The following PRRX2 variants were observed in gnomAD, a reference collection of about 807,000 sequenced individuals.
PRRX2 encodes the protein paired related homeobox 2.
A neutral mutation model predicts 18.0 loss-of-function variants in PRRX2; 11 were observed. The ratio of observed to expected loss-of-function variants is 0.61; its 90% CI spans 0.39 to 1.01. The LOEUF (loss-of-function observed/expected upper bound fraction) is 1.01. PRRX2 is among the 50% of genes least tolerant of loss of function. The probability of loss-of-function intolerance (pLI) is 0.01; values close to 1 mark genes in which losing one functional copy is unlikely to be tolerated. For missense variants in PRRX2, 387 were observed against 351.0 expected, an observed-to-expected ratio of 1.10 and a Z score of -0.82; for synonymous variants, 177 against 154.8, an observed-to-expected ratio of 1.14 and a Z score of -1.06.
intron 1 of PRRX2, among the ~76,000 whole-genome samples, chr9:129,697,363 C>T (rs781131961): frequency 2.6e-5 from 4 of 151,912 alleles, no homozygotes; most frequent in East Asian, 3.9e-4. Context: ...CCGGCCGGGG[C>T]GCGCACCCTC....
In PRRX2 at chr9:129,672,694, G is replaced by A. The variant is rs557535991; in HGVS notation, c.259+6568G>A. 9.8e-5 allele frequency among the ~76,000 whole-genome samples: 15 copies of A among 152,304 alleles called. No homozygotes were observed. In the East Asian group the frequency reaches 2.5e-3, roughly 25 times the overall value. ...CAGGCCTGGAGAGTGGGGACTGCCC[G>A]GGGCTGGGGTGTTTGACATGGGAGT... is the stretch of plus-strand genomic sequence containing the variant. On this transcript the variant is annotated intron_variant, in intron 1 of 3. Transcript: ENST00000372469.
intron 1 of PRRX2, among the ~76,000 whole-genome samples, chr9:129,692,657 A>G (rs1832375736): frequency 6.6e-6 from 1 of 152,240 alleles, no homozygotes; most frequent in African/African-American, 2.4e-5. Flanking sequence ...TACAGTATGT[A>G]GCCTCTTGAG....
At position 129,675,921 on chromosome 9, in the gene PRRX2, T is replaced by C. The variant is rs943076504; in HGVS notation, c.259+9795T>C. Among the ~76,000 whole-genome samples, 1 of 152,080 alleles carries C rather than the reference T, an allele frequency of 6.6e-6. No homozygotes were observed. The highest frequency in any genetic ancestry group is 2.4e-5 in the African/African-American group (1 of 41,402). ...CACCTCCTTTCATTAGACTAACAAA[T>C]AACGCGTAACAGAAAACAGCTGTTA... On this transcript the variant is annotated intron_variant, in intron 1 of 3. Transcript: ENST00000372469. This position sits in a 1 kb window ranked among gnomAD's most constrained non-coding sequence, Gnocchi z 4.4.
At chr9:129,667,400 A>AT (rs1832039153) in intron 1 of PRRX2, among the ~76,000 whole-genome samples, 1 of 152,210 alleles carries the variant, frequency 6.6e-6, no homozygotes, top group Non-Finnish European at 1.5e-5. Context: ...GCCCAAGGTC[A>AT]TTTGAGGACC....
chr9:129,678,016 T>G (rs1832183031), intron 1 of PRRX2, among the ~76,000 whole-genome samples: 1 of 143,116 alleles, frequency 7.0e-6, no homozygotes, highest in African/African-American at 2.7e-5. Context: ...CAGGCTGGAG[T>G]GCAGTGGCGC....
intron 1 of PRRX2, among the ~76,000 whole-genome samples, chr9:129,692,048 A>G (rs1017994967): frequency 6.6e-6 from 1 of 151,680 alleles, no homozygotes; most frequent in Non-Finnish European, 1.5e-5. Flanking sequence ...GGTTCAAGCG[A>G]TTCTCCCACC....
chr9:129,713,813 A>G (rs1423997184), intron 1 of PRRX2, among the ~76,000 whole-genome samples: 2 of 150,112 alleles, frequency 1.3e-5, no homozygotes, highest in Non-Finnish European at 3.0e-5. Context: ...TTATTTATTT[A>G]TTTATTTTTA....
At position 129,671,940 on chromosome 9, in the gene PRRX2, G is replaced by A. The variant is rs1006399715; in HGVS notation, c.259+5814G>A. On this transcript the variant is annotated intron_variant, in intron 1 of 3. Transcript: ENST00000372469. This position sits in a 1 kb window ranked among gnomAD's most constrained non-coding sequence, Gnocchi z 4.0. ...CTGAGGCTTGTTGGGGACTAAAGCG[G>A]GTGGGAGGGGAGGGGCAGCACGGAA... is the stretch of plus-strand genomic sequence containing the variant. 6.6e-6 allele frequency among the ~76,000 whole-genome samples: 1 copy of A among 152,114 alleles called. No homozygotes were observed. The highest frequency in any genetic ancestry group is 2.4e-5 in the African/African-American group (1 of 41,406).
chr9:129,666,272 C>A, intron 1 of PRRX2, 146 bp downstream of exon 1: 1 of 624,474 alleles, frequency 1.6e-6, no homozygotes, highest in Non-Finnish European at 2.0e-6. Context: ...GTGTAAGTGA[C>A]GGTGGACGGC....
intron 1 of PRRX2, among the ~76,000 whole-genome samples, chr9:129,716,093 C>T (rs1832703643): frequency 1.3e-5 from 2 of 152,188 alleles, no homozygotes; most frequent in South Asian, 2.1e-4. Flanking sequence ...GCCCCAAACC[C>T]GGCCGGTGGG....
Position 129,720,676 on chromosome 9 carries a change from G to C in PRRX2, c.528G>C (p.Lys176Asn). The C allele has an allele frequency of 1.2e-6, 2 of 1,613,518 alleles. No individual in the cohort carries two copies. The highest frequency in any genetic ancestry group is 1.7e-6 in the Non-Finnish European group (2 of 1,179,866). ...MLASRSASLLKSYSQEAAIEQ... is the reference protein window; with the variant it reads ...MLASRSASLLNSYSQEAAIEQ... ...CCAGCCGCTCTGCCTCGCTGCTCAA[G>C]TCCTACAGCCAGGAGGCCGCCATCG... The change falls in exon 3 of 4, where the codon AAG becomes AAC. Residue 176 changes from lysine (K) to asparagine (N), a missense_variant. Transcript: ENST00000372469.
intron 1 of PRRX2, among the ~76,000 whole-genome samples, chr9:129,714,836 TG>T (rs1344631268): frequency 6.6e-6 from 1 of 152,194 alleles, no homozygotes; most frequent in East Asian, 1.9e-4. Flanking sequence ...CCTCCTGTGT[TG>T]GGTGTGTGCC....
chr9:129,673,485 G>C (rs1301066825), intron 1 of PRRX2, among the ~76,000 whole-genome samples: 1 of 151,914 alleles, frequency 6.6e-6, no homozygotes, highest in African/African-American at 2.4e-5. Flanking sequence ...ACAAACAAAG[G>C]TTCCCAAAAT....
At chr9:129,673,353 A>G (rs1263286877) in intron 1 of PRRX2, among the ~76,000 whole-genome samples, 1 of 152,120 alleles carries the variant, frequency 6.6e-6, no homozygotes, top group East Asian at 1.9e-4. Context: ...GCTACTCGGG[A>G]TGCTGAGACA....
rs57839880 is a variant in PRRX2, at chr9:129,691,331, CAA to C, written c.259+25216_259+25217del. Among the ~76,000 whole-genome samples the C allele has an allele frequency of 8.3e-4, 118 of 142,386 alleles. 1 individual carries two copies. Among genetic ancestry groups the C allele is most frequent in the African/African-American group, 2.7e-3 (107 of 39,034 alleles). The allele number at this position is 142,386 out of a possible 152,430, so 93.4% of individuals were successfully genotyped here. A position where few individuals can be genotyped will look rare whatever the true frequency, so the allele number is the denominator to read the frequency against. ...AGCCTGCATGACAAAGCGACTCTGT[CAA>C]AAAAAAAAAATTATATAAACTTACA... On this transcript the variant is annotated intron_variant, in intron 1 of 3. Coordinates refer to ENST00000372469, the MANE Select transcript of PRRX2 (RefSeq NM_016307.4).
intron 1 of PRRX2, among the ~76,000 whole-genome samples, chr9:129,698,478 AAC>A (rs1832457142): frequency 6.6e-6 from 1 of 152,110 alleles, no homozygotes; most frequent in South Asian, 2.1e-4. Context: ...TGTTTGGTGA[AAC>A]ACACGTGGCA....
intron 1 of PRRX2, among the ~76,000 whole-genome samples, chr9:129,692,369 C>A (rs558947793): frequency 3.6e-5 from 5 of 138,244 alleles, no homozygotes; most frequent in South Asian, 2.7e-4. Context: ...CAGAGTGTTA[C>A]ATTCGTTACA....
At chr9:129,678,571 A>C (rs1460690349) in intron 1 of PRRX2, among the ~76,000 whole-genome samples, 1 of 152,088 alleles carries the variant, frequency 6.6e-6, no homozygotes, top group African/African-American at 2.4e-5. Context: ...CCAGTAGAGG[A>C]GGTCAGGGAG....
intron 1 of PRRX2, among the ~76,000 whole-genome samples, chr9:129,688,836 C>A (rs12004219): frequency 1.3e-5 from 2 of 152,192 alleles, no homozygotes; most frequent in South Asian, 4.1e-4. Flanking sequence ...TTACTCTCTT[C>A]ACCAGTTCAC....
Sources: gnomAD v4.1 joint callset for allele counts (sites outside exome capture counted in the v4.1 genomes callset) on GRCh38, gnomAD v4.1.1 for gene constraint, Gnocchi (gnomAD v3.1) non-coding constraint, MANE v1.5 for transcripts, NCBI Gene and HGNC (gene_info 2026-07-23, HGNC 2026-07-21) for gene names.